Variants in PPP1R12B observed in about 807,000 individuals in gnomAD.
The protein encoded by PPP1R12B is myosin phosphatase target subunit 2.
In PPP1R12B, 76 loss-of-function variants were observed where a neutral mutation model predicts 126.1. The ratio of observed to expected loss-of-function variants is 0.60; its 90% CI spans 0.50 to 0.73. PPP1R12B has a LOEUF of 0.73. Among genes scored for constraint, PPP1R12B ranks in the 30% least tolerant of loss-of-function variants. PPP1R12B has a pLI of 0.00. For missense variants in PPP1R12B, 1,052 were observed against 1,205.1 expected, an observed-to-expected ratio of 0.87 and a Z score of 1.88; for synonymous variants, 356 against 434.7, an observed-to-expected ratio of 0.82 and a Z score of 2.25.
chr1:202,348,764 G>C lies in PPP1R12B; in HGVS notation c.-88G>C, dbSNP rs1037948646. 3.0e-5 allele frequency: 44 copies of C among 1,472,532 alleles called. No homozygotes were observed. The Admixed American group carries it at 1.1e-3, about 38-fold the overall frequency. 91.2% of individuals were successfully genotyped at this position (1,472,532 alleles called of 1,614,324 possible). The stretch of plus-strand genomic sequence containing the variant: ...TCTCCGCCCTCTGCTCCGGGCTGAA[G>C]CGCTCTGAGAGAGGCGGCAGCGGCA... On this transcript the variant is annotated 5_prime_UTR_variant, in exon 1 of 24. Coordinates refer to ENST00000608999, the MANE Select transcript of PPP1R12B (RefSeq NM_002481.4).
rs1425448886 is a variant in PPP1R12B, at chr1:202,446,234, C to CTA, written c.1668-2754_1668-2753insAT. Among the ~76,000 whole-genome samples the CTA allele has an allele frequency of 2.3e-4, 20 of 88,374 alleles. No individual in the cohort carries two copies. The South Asian group carries it at 4.0e-3, about 18-fold the overall frequency. The allele number at this position is 88,374 out of a possible 152,430, so 58.0% of individuals were successfully genotyped here. On this transcript the variant is annotated intron_variant, in intron 12 of 23. Coordinates refer to ENST00000608999, the MANE Select transcript of PPP1R12B (RefSeq NM_002481.4). ...TATTACTCTCTCTCTCTCTCTCTCT[C>CTA]TCTATATATATATATATATATATTT...
intron 18 of PPP1R12B, among the ~76,000 whole-genome samples, chr1:202,552,595 G>C (rs1686438393): frequency 6.6e-6 from 1 of 152,176 alleles, no homozygotes; most frequent in South Asian, 2.1e-4. Flanking sequence ...AAAACTGAAG[G>C]GAAAGAAGAT....
intron 1 of PPP1R12B, among the ~76,000 whole-genome samples, chr1:202,382,084 T>C (rs1473639208): frequency 6.6e-6 from 1 of 152,098 alleles, no homozygotes; most frequent in African/African-American, 2.4e-5. Context: ...CATGGAATAC[T>C]ATGCAGCCAT....
intron 18 of PPP1R12B, among the ~76,000 whole-genome samples, chr1:202,530,088 A>T (rs2148936310): frequency 6.6e-6 from 1 of 152,302 alleles, no homozygotes; most frequent in African/African-American, 2.4e-5. Flanking sequence ...TTTTAAGCTA[A>T]TCAAAAAAGA....
chr1:202,468,911 T>G (rs7530514), intron 13 of PPP1R12B, among the ~76,000 whole-genome samples: 6,149 of 152,174 alleles, frequency 0.04, 338 homozygotes, highest in African/African-American at 0.12. Flanking sequence ...CCAGCCTGGG[T>G]GACAGAGCAA....
intron 8 of PPP1R12B, among the ~76,000 whole-genome samples, chr1:202,431,873 C>T (rs1571983546): frequency 2.6e-5 from 4 of 152,266 alleles, no homozygotes; most frequent in Admixed American, 2.6e-4. Context: ...GGGTACGGTG[C>T]CTTAGCACTT....
At chr1:202,556,632 A>G (rs1256909246) in intron 18 of PPP1R12B, among the ~76,000 whole-genome samples, 4 of 152,280 alleles carry the variant, frequency 2.6e-5, no homozygotes, top group East Asian at 1.9e-4. Flanking sequence ...GTTGGAGCCA[A>G]TGGGTTACCA....
chr1:202,523,003 A>G (rs1682931280), intron 18 of PPP1R12B, among the ~76,000 whole-genome samples: 1 of 152,246 alleles, frequency 6.6e-6, no homozygotes, highest in Non-Finnish European at 1.5e-5. Flanking sequence ...AAAAAGTCAA[A>G]AATACTCAAG....
intron 19 of PPP1R12B, among the ~76,000 whole-genome samples, chr1:202,561,742 C>G (rs868039910): frequency 1.2e-4 from 19 of 152,286 alleles, no homozygotes; most frequent in African/African-American, 4.6e-4. Context: ...GAATGTGGGA[C>G]TTAGCATCTC....
intron 13 of PPP1R12B, 30 bp downstream of exon 13, chr1:202,449,201 G>A: frequency 6.4e-7 from 1 of 1,567,716 alleles, no homozygotes; most frequent in Non-Finnish European, 8.7e-7. Flanking sequence ...TCATTTGTGG[G>A]GCTCTGCTTT....
At chr1:202,459,135 T>A (rs1161746147) in intron 13 of PPP1R12B, among the ~76,000 whole-genome samples, 1 of 152,228 alleles carries the variant, frequency 6.6e-6, no homozygotes, top group African/African-American at 2.4e-5. Flanking sequence ...ACTACAGATA[T>A]GTTGCTAAAT....
intron 20 of PPP1R12B, among the ~76,000 whole-genome samples, chr1:202,563,471 T>A (rs1471526065): frequency 6.6e-6 from 1 of 151,944 alleles, no homozygotes; most frequent in African/African-American, 2.4e-5. Flanking sequence ...TTTAGAAGTG[T>A]AGGGAAAAGT....
rs1010088433 is a variant in PPP1R12B at position 202,581,237 on chromosome 1, T to A, written c.*677T>A. 6.5e-6 allele frequency: 1 copy of A among 152,748 alleles called. No individual in the cohort carries two copies. Among genetic ancestry groups the A allele is most frequent in the Middle Eastern group, 3.2e-3 (1 of 316 alleles). The allele number at this position is 152,748 out of a possible 1,614,324, so 9.5% of individuals were successfully genotyped here. A position where few individuals can be genotyped will look rare whatever the true frequency, so the allele number is the denominator to read the frequency against. ...AAGGCGCAAATGGCCCTGGCTTCAT[T>A]TATTCCTTTCCTTTCTATCCTTTTA... On this transcript the variant is annotated 3_prime_UTR_variant, in exon 24 of 24. Coordinates refer to ENST00000608999, the MANE Select transcript of PPP1R12B (RefSeq NM_002481.4).
chr1:202,380,156 A>G (rs1385854233), intron 1 of PPP1R12B, among the ~76,000 whole-genome samples: 1 of 151,766 alleles, frequency 6.6e-6, no homozygotes, highest in Non-Finnish European at 1.5e-5. Flanking sequence ...CTCCCCTTCT[A>G]TGCCTCGTAA....
Position 202,440,744 on chromosome 1 carries a change from C to G in PPP1R12B, c.1497C>G (p.Pro499=). The part of the protein sequence containing the change: ...ENKSYISSLA[P]RKLNSTSDIE... ...AAAGCTATATTAGTTCACTAGCACC[C>G]CGGAAGCTCAACAGCACAAGTGATA... Residue 499 remains proline, a synonymous_variant, in exon 11 of 24, where the codon CCC becomes CCG. Transcript: ENST00000608999. 1.9e-6 allele frequency: 3 copies of G among 1,613,902 alleles called. No homozygotes were observed. Among genetic ancestry groups the G allele is most frequent in the Non-Finnish European group, 2.5e-6 (3 of 1,179,888 alleles).
chr1:202,401,829 G>A (rs1427840021), intron 1 of PPP1R12B, among the ~76,000 whole-genome samples: 1 of 152,078 alleles, frequency 6.6e-6, no homozygotes, highest in Non-Finnish European at 1.5e-5. Context: ...CTCTACCTCT[G>A]TCCTACATAA....
chr1:202,396,306 G>A (rs2148543301), intron 1 of PPP1R12B, among the ~76,000 whole-genome samples: 2 of 152,264 alleles, frequency 1.3e-5, no homozygotes, highest in South Asian at 4.1e-4. Context: ...TTTTAGCCAT[G>A]TGACCTTGGG....
intron 1 of PPP1R12B, 45 bp from the exon 2 acceptor site, chr1:202,416,742 C>T: frequency 6.3e-7 from 1 of 1,579,442 alleles, no homozygotes; most frequent in Non-Finnish European, 8.7e-7. Flanking sequence ...CATAGTGGAA[C>T]TCAATGAATA....
rs1669967676 is a variant in PPP1R12B at position 202,429,697 on chromosome 1, G to A, written c.921+768G>A. On this transcript the variant is annotated intron_variant, in intron 6 of 23. Coordinates refer to ENST00000608999, the MANE Select transcript of PPP1R12B (RefSeq NM_002481.4). ...TTAATGACATTAGGGTGGGACATTA[G>A]GGGCCAAAAAAATCAATGACTTTTT... Among the ~76,000 whole-genome samples, 7 of 152,156 alleles carry A rather than the reference G, an allele frequency of 4.6e-5. No individual in the cohort carries two copies. In the South Asian group the frequency reaches 1.4e-3, roughly 31 times the overall value.
Sources: gnomAD v4.1 joint callset for allele counts (sites outside exome capture counted in the v4.1 genomes callset) on GRCh38, gnomAD v4.1.1 for gene constraint, MANE v1.5 for transcripts, NCBI Gene and HGNC (gene_info 2026-07-23, HGNC 2026-07-21) for gene names.